ANKMY1: variants seen among roughly 807,000 people sequenced by gnomAD.
ANKMY1 encodes ankyrin repeat and MYND domain containing 1.
ANKMY1 carries 98 observed loss-of-function variants against 102.0 expected under a neutral mutation model. That is an observed-to-expected ratio of 0.96 (90% CI 0.82 to 1.14). The LOEUF is 1.14. Among genes scored for constraint, ANKMY1 ranks in the 50% most tolerant of loss-of-function variants. ANKMY1 has a pLI of 0.00. For synonymous variants in ANKMY1, 582 were observed against 559.9 expected, an observed-to-expected ratio of 1.04 and a Z score of -0.56; for missense variants, 1,330 against 1,347.6, an observed-to-expected ratio of 0.99 and a Z score of 0.20.
intron 4 of ANKMY1, among the ~76,000 whole-genome samples, chr2:240,542,054 AAAAATTAGCTGGGCGTAGT>A: frequency 6.6e-6 from 1 of 152,138 alleles, no homozygotes; most frequent in African/African-American, 2.4e-5. Flanking sequence ...CTAAAAATAC[AAAAATTAGCTGGGCGTAGT>A]GGCGTTCGCC....
downstream of ANKMY1, among the ~76,000 whole-genome samples, chr2:240,478,110 C>T (rs1238588321): frequency 1.3e-5 from 2 of 152,196 alleles, no homozygotes; most frequent in Non-Finnish European, 2.9e-5. Flanking sequence ...CAGCCCCTCC[C>T]CTTCCTCCCG....
intron 15 of ANKMY1, among the ~76,000 whole-genome samples, chr2:240,493,761 C>G (rs2076913136): frequency 6.6e-6 from 1 of 151,928 alleles, no homozygotes; most frequent in Non-Finnish European, 1.5e-5. Context: ...ATCTTTGTGC[C>G]CCAGAGTGGT....
chr2:240,536,917 G>A (rs2086915360), intron 4 of ANKMY1, among the ~76,000 whole-genome samples: 1 of 151,926 alleles, frequency 6.6e-6, no homozygotes, highest in Admixed American at 6.6e-5. Context: ...TAGAGAGAGG[G>A]TCTCACTATG....
At chr2:240,507,445 C>T (rs570582700) in intron 13 of ANKMY1, 115 bp downstream of exon 13, 3 of 1,320,604 alleles carry the variant, frequency 2.3e-6, no homozygotes, top group East Asian at 2.8e-5. Context: ...CACCCAGGGC[C>T]ACCCACTCCC....
chr2:240,472,118 G>T, the ANKMY1 span, among the ~76,000 whole-genome samples: 4 of 152,056 alleles, frequency 2.6e-5, no homozygotes, highest in Admixed American at 2.6e-4. Flanking sequence ...TGTTGAAATG[G>T]TTCTGAGTTT....
rs769473558 is a variant in ANKMY1, at chr2:240,529,580, G to A, written c.481-71C>T. The A allele has an allele frequency of 1.2e-4, 170 of 1,381,444 alleles. No homozygotes were observed. The highest frequency in any genetic ancestry group is 1.9e-4 in the Admixed American group (7 of 37,656). 85.6% of individuals were successfully genotyped at this position (1,381,444 alleles called of 1,614,324 possible). The stretch of plus-strand genomic sequence containing the variant: ...CTGCACATGTGATCATGTTTGTAAC[G>A]TCAAAAGAAATCCCAAAAAAGAAAA... On this transcript the variant is annotated intron_variant, in intron 4 of 17. Transcript: ENST00000401804. This position sits in a 1 kb window ranked among gnomAD's most constrained non-coding sequence, Gnocchi z 4.2.
upstream of ANKMY1, chr2:240,560,508 C>G: frequency 9.9e-7 from 1 of 1,005,336 alleles, no homozygotes; most frequent in Non-Finnish European, 1.3e-6. Context: ...CCCAAGCCCC[C>G]TGTCCCGGCC....
At chr2:240,559,061 C>G (rs1010537162), upstream of ANKMY1, among the ~76,000 whole-genome samples, 2 of 152,198 alleles carry the variant, frequency 1.3e-5, no homozygotes, top group Non-Finnish European at 2.9e-5. Flanking sequence ...ACCCTCTGTT[C>G]TTAGCAAGCA....
upstream of ANKMY1, chr2:240,560,087 GTTTTA>G (rs988109867): frequency 6.6e-6 from 1 of 152,312 alleles, no homozygotes; most frequent in Non-Finnish European, 1.5e-5. Flanking sequence ...ATAGAAATTA[GTTTTA>G]TTTTATGAGC....
At chr2:240,530,349 T>C (rs545659472) in intron 4 of ANKMY1, among the ~76,000 whole-genome samples, 2 of 151,552 alleles carry the variant, frequency 1.3e-5, no homozygotes, top group South Asian at 2.1e-4. Flanking sequence ...GGGAGGTGAC[T>C]GGGTCACAGG....
At chr2:240,507,442 G>A (rs2079283464) in intron 13 of ANKMY1, 118 bp downstream of exon 13, 1 of 1,072,984 alleles carries the variant, frequency 9.3e-7, no homozygotes. Context: ...CCTCACCCAG[G>A]GCCACCCACT....
upstream of ANKMY1, chr2:240,560,126 A>C (rs937249686): frequency 6.6e-6 from 1 of 152,500 alleles, no homozygotes; most frequent in African/African-American, 2.4e-5. Flanking sequence ...ACATAGAAAA[A>C]AATGCACCAA....
At chr2:240,534,546 G>A (rs1022829911) in intron 4 of ANKMY1, among the ~76,000 whole-genome samples, 1 of 151,674 alleles carries the variant, frequency 6.6e-6, no homozygotes, top group Non-Finnish European at 1.5e-5. Context: ...ATGCTGCAGC[G>A]AGCCGTGGTC....
At position 240,557,228 on chromosome 2, in the gene ANKMY1, C is replaced by A; in HGVS notation, c.108G>T (p.Glu36Asp). The change falls in exon 2 of 18, where the codon GAG (glutamate) becomes GAT (aspartate). Residue 36 changes from glutamate (E) to aspartate (D), a missense_variant. Transcript: ENST00000401804. ...GKGGETPAAE[E>D]PGSLKNYAVF... ...CAGCGTAGTTCTTCAGGGACCCCGG[C>A]TCCTCGGCAGCAGGGGTCTCGCCGC... 1 of 1,590,202 alleles carries A rather than the reference C, an allele frequency of 6.3e-7. No homozygotes were observed. Among genetic ancestry groups the A allele is most frequent in the South Asian group, 1.1e-5 (1 of 88,330 alleles).
chr2:240,506,656 C>A lies in ANKMY1; in HGVS notation c.2526+904G>T, dbSNP rs1260118909. On this transcript the variant is annotated intron_variant, in intron 13 of 17. Coordinates refer to ENST00000401804, the MANE Select transcript of ANKMY1 (RefSeq NM_001282771.3). The surrounding 1 kb of genome is among the most constrained non-coding windows in gnomAD (Gnocchi z 4.9). ...ATTCCAGACGCCTGAGTCTCACCCC[C>A]CTCCTCCTTCCCCCTTTTTCTCCCT... Among the ~76,000 whole-genome samples the A allele has an allele frequency of 1.4e-5, 2 of 147,364 alleles. No homozygotes were observed. Among genetic ancestry groups the A allele is most frequent in the Non-Finnish European group, 3.0e-5 (2 of 66,722 alleles).
intron 7 of ANKMY1, 116 bp from the exon 8 acceptor site, chr2:240,524,497 G>A (rs2082961768): frequency 8.4e-7 from 1 of 1,194,110 alleles, no homozygotes. Context: ...AAAGCAGCTA[G>A]GCTGAAAAGA....
chr2:240,501,744 C>T (rs1342218117), intron 13 of ANKMY1, among the ~76,000 whole-genome samples: 1 of 152,232 alleles, frequency 6.6e-6, no homozygotes, highest in Non-Finnish European at 1.5e-5. Flanking sequence ...CCAATGCCAC[C>T]AACACTAGTG....
intron 4 of ANKMY1, among the ~76,000 whole-genome samples, chr2:240,544,859 C>T (rs1436826918): frequency 5.4e-4 from 82 of 152,340 alleles, no homozygotes; most frequent in Non-Finnish European, 9.4e-4. Flanking sequence ...GAGGGTCCTA[C>T]GCCCACGGAG....
intron 11 of ANKMY1, among the ~76,000 whole-genome samples, chr2:240,510,079 TCCCTGCCC>T (rs2079862691): frequency 1.7e-5 from 2 of 118,906 alleles, no homozygotes; most frequent in Admixed American, 1.8e-4. Flanking sequence ...CCTCCCTGCC[TCCCTGCCC>T]CCCTGCTTCC....
Sources: allele counts gnomAD v4.1 joint callset (sites outside exome capture counted in the v4.1 genomes callset), GRCh38; gene constraint gnomAD v4.1.1; non-coding constraint Gnocchi (gnomAD v3.1); transcripts MANE v1.5; gene names NCBI Gene and HGNC (gene_info 2026-07-23, HGNC 2026-07-21).